Variants in PRKG1 observed in about 807,000 individuals in gnomAD.
PRKG1 encodes cGMP-dependent protein kinase 1.
Under a neutral mutation model 88.1 loss-of-function variants are expected in PRKG1, and 35 were observed. That is an observed-to-expected ratio of 0.40 (90% CI 0.30 to 0.53). PRKG1 has a LOEUF of 0.53. Among genes scored for constraint, PRKG1 ranks in the 20% least tolerant of loss-of-function variants. PRKG1 has a pLI of 0.59. For missense variants in PRKG1, 540 were observed against 839.8 expected, an observed-to-expected ratio of 0.64 and a Z score of 4.41; for synonymous variants, 303 against 292.5, an observed-to-expected ratio of 1.04 and a Z score of -0.37.
chr10:51,867,949 C>T (rs575008465), intron 4 of PRKG1, among the ~76,000 whole-genome samples: 3 of 151,950 alleles, frequency 2.0e-5, no homozygotes, highest in African/African-American at 7.2e-5. Context: ...TGTATCTTAC[C>T]CTTGACTTCA....
intron 3 of PRKG1, among the ~76,000 whole-genome samples, chr10:51,704,408 A>G (rs958119686): frequency 5.3e-5 from 8 of 152,206 alleles, no homozygotes; most frequent in African/African-American, 1.4e-4. Flanking sequence ...TCATTTTACC[A>G]AGGACGGAGC....
chr10:51,841,162 T>C (rs1409071376), intron 4 of PRKG1, among the ~76,000 whole-genome samples: 15 of 152,324 alleles, frequency 9.8e-5, no homozygotes, highest in African/African-American at 3.6e-4. Context: ...TAACTTTATC[T>C]CCAGTAAGTC....
chr10:51,461,438 A>G lies in PRKG1; in HGVS notation c.479-6285A>G, dbSNP rs186445872. On this transcript the variant is annotated intron_variant, in intron 2 of 17. Coordinates refer to ENST00000373980, the MANE Select transcript of PRKG1 (RefSeq NM_006258.4). The stretch of plus-strand genomic sequence containing the variant: ...GGTTTAGAAAAAAAACCTAATACAT[A>G]TATATGTGTAATGAGAAACCACTAA... 2.0e-5 allele frequency among the ~76,000 whole-genome samples: 3 copies of G among 152,332 alleles called. No homozygotes were observed. The East Asian group carries it at 5.8e-4, about 29-fold the overall frequency.
chr10:52,290,219 T>C lies in PRKG1; in HGVS notation c.1896-5T>C. 1 of 1,612,232 alleles carries C rather than the reference T, an allele frequency of 6.2e-7. No individual in the cohort carries two copies. The highest frequency in any genetic ancestry group is 8.5e-7 in the Non-Finnish European group (1 of 1,178,986). On this transcript the variant is annotated splice_region_variant and splice_polypyrimidine_tract_variant and intron_variant, in intron 16 of 17. Transcript: ENST00000373980. Reference sequence around the variant, plus strand: ...TGTTTTTATCAACGTTTTTTCCTTTTCTAGATGGTTTGAGGGCTTTAACTG... The same window carrying C: ...TGTTTTTATCAACGTTTTTTCCTTTCCTAGATGGTTTGAGGGCTTTAACTG...
At chr10:51,967,301 T>C (rs1250194935) in intron 5 of PRKG1, among the ~76,000 whole-genome samples, 1 of 152,004 alleles carries the variant, frequency 6.6e-6, no homozygotes, top group African/African-American at 2.4e-5. Context: ...CTCAGCAAAC[T>C]ATTGCAAGGA....
At chr10:51,555,453 T>C (rs1249766588) in intron 3 of PRKG1, among the ~76,000 whole-genome samples, 1 of 151,900 alleles carries the variant, frequency 6.6e-6, no homozygotes, top group Non-Finnish European at 1.5e-5. Context: ...AATACAGAGA[T>C]AAAACTAAAG....
chr10:51,313,397 A>T (rs1841240953), intron 2 of PRKG1, among the ~76,000 whole-genome samples: 1 of 151,894 alleles, frequency 6.6e-6, no homozygotes, highest in Admixed American at 6.6e-5. Context: ...ATCTTATTTC[A>T]CTTTGTTTTT....
At chr10:51,046,750 C>T (rs1250513240) in intron 1 of PRKG1, among the ~76,000 whole-genome samples, 1 of 152,170 alleles carries the variant, frequency 6.6e-6, no homozygotes, top group African/African-American at 2.4e-5. Context: ...TCAACTCAGG[C>T]AGATAGCACA....
chr10:51,095,337 T>G (rs1399857509), intron 1 of PRKG1, among the ~76,000 whole-genome samples: 1 of 152,134 alleles, frequency 6.6e-6, no homozygotes, highest in Non-Finnish European at 1.5e-5. Flanking sequence ...TCCCAAAATG[T>G]TTTGGTCAAA....
chr10:51,372,209 G>T (rs892542020), intron 2 of PRKG1, among the ~76,000 whole-genome samples: 1 of 152,126 alleles, frequency 6.6e-6, no homozygotes, highest in African/African-American at 2.4e-5. Flanking sequence ...TATTTCTAAT[G>T]AAGTAAGGTT....
chr10:51,761,080 C>T (rs1484644198), intron 3 of PRKG1, among the ~76,000 whole-genome samples: 1 of 152,206 alleles, frequency 6.6e-6, no homozygotes, highest in Non-Finnish European at 1.5e-5. Context: ...TGCCATTACA[C>T]TCCAGTCTGG....
chr10:51,748,983 C>G (rs1198110096), intron 3 of PRKG1, among the ~76,000 whole-genome samples: 1 of 152,146 alleles, frequency 6.6e-6, no homozygotes. Flanking sequence ...AAATACTCTT[C>G]TACATTTTAC....
chr10:52,149,743 G>T (rs918131575), intron 8 of PRKG1, among the ~76,000 whole-genome samples: 2 of 152,164 alleles, frequency 1.3e-5, no homozygotes, highest in African/African-American at 4.8e-5. Flanking sequence ...CCAGTCTGTG[G>T]CATTTTGTTA....
chr10:51,084,799 A>T (rs1166962434), intron 1 of PRKG1, among the ~76,000 whole-genome samples: 2 of 152,170 alleles, frequency 1.3e-5, no homozygotes, highest in Non-Finnish European at 1.5e-5. Flanking sequence ...TCATCCAGTC[A>T]GTTTAATTTG....
At chr10:51,062,028 A>G (rs973501444) in intron 1 of PRKG1, among the ~76,000 whole-genome samples, 1 of 152,184 alleles carries the variant, frequency 6.6e-6, no homozygotes, top group Non-Finnish European at 1.5e-5. Flanking sequence ...GAATCCCAAC[A>G]TAGGTGTGAA....
intron 9 of PRKG1, among the ~76,000 whole-genome samples, chr10:52,220,151 G>A (rs1220002420): frequency 6.6e-6 from 1 of 152,100 alleles, no homozygotes; most frequent in African/African-American, 2.4e-5. Flanking sequence ...AGAATACAGT[G>A]AGTAGGATTG....
intron 2 of PRKG1, among the ~76,000 whole-genome samples, chr10:51,398,393 A>G (rs1837638593): frequency 1.3e-5 from 2 of 151,766 alleles, no homozygotes; most frequent in Admixed American, 1.3e-4. Context: ...GATGATGCTC[A>G]CTCACCTGCT....
At chr10:51,258,491 A>T (rs1409636909) in intron 2 of PRKG1, among the ~76,000 whole-genome samples, 1 of 152,210 alleles carries the variant, frequency 6.6e-6, no homozygotes, top group Admixed American at 6.5e-5. Context: ...TATATATTTT[A>T]AGGCCTACCC....
At position 52,250,134 on chromosome 10, in the gene PRKG1, G is replaced by A. The variant is rs77556459; in HGVS notation, c.1077-1436G>A. ...CTAGAAATGCACATTTGCTGCTTCT[G>A]TTCCATTCTAGTAAACCATCTCCCG... is the stretch of plus-strand genomic sequence containing the variant. On this transcript the variant is annotated intron_variant, in intron 9 of 17. Coordinates refer to ENST00000373980, the MANE Select transcript of PRKG1 (RefSeq NM_006258.4). Among the ~76,000 whole-genome samples the A allele has an allele frequency of 5.7e-3, 861 of 152,236 alleles. 9 individuals are homozygous for A. The highest frequency in any genetic ancestry group is 0.02 in the African/African-American group (821 of 41,530).
Sources: allele counts gnomAD v4.1 joint callset (sites outside exome capture counted in the v4.1 genomes callset), GRCh38; gene constraint gnomAD v4.1.1; transcripts MANE v1.5; gene names NCBI Gene and HGNC (gene_info 2026-07-23, HGNC 2026-07-21).